The following AGBL4 variants were observed in gnomAD, a reference collection of about 807,000 sequenced individuals.
AGBL4 encodes the protein cytosolic carboxypeptidase 6.
Under a neutral mutation model 66.4 loss-of-function variants are expected in AGBL4, and 58 were observed. The observed-to-expected ratio is 0.87, with a 90% CI of 0.71 to 1.09. The LOEUF (loss-of-function observed/expected upper bound fraction) is 1.09, where lower values mean the gene tolerates loss of function less well. Among genes scored for constraint, AGBL4 ranks in the 50% least tolerant of loss-of-function variants. The probability of loss-of-function intolerance (pLI) is 0.00; values close to 1 mark genes in which losing one functional copy is unlikely to be tolerated. For synonymous variants in AGBL4, 234 were observed against 222.9 expected, an observed-to-expected ratio of 1.05 and a Z score of -0.44; for missense variants, 579 against 631.0, an observed-to-expected ratio of 0.92 and a Z score of 0.88.
chr1:49,289,069 A>T (rs1287979256), intron 3 of AGBL4, among the ~76,000 whole-genome samples: 2 of 152,084 alleles, frequency 1.3e-5, no homozygotes, highest in Non-Finnish European at 2.9e-5. Flanking sequence ...CATCTGACCC[A>T]CAGGCCAATC....
chr1:49,675,323 C>CA (rs1226261646), intron 3 of AGBL4, among the ~76,000 whole-genome samples: 4 of 151,462 alleles, frequency 2.6e-5, no homozygotes, highest in Admixed American at 6.6e-5. Flanking sequence ...ATAACAGAAA[C>CA]AAAAAAATAC....
rs188880318 is a variant in AGBL4 at position 48,784,958 on chromosome 1, C to T, written c.634+82233G>A. 3.5e-3 allele frequency among the ~76,000 whole-genome samples: 532 copies of T among 152,308 alleles called. 2 individuals are homozygous for T. The highest frequency in any genetic ancestry group is 0.01 in the African/African-American group (427 of 41,564). ...AAGAAATGAAAAGATTGACCTACCT[C>T]GGAAAAATGCAACTCGCTTCTTGAA... On this transcript the variant is annotated intron_variant, in intron 6 of 13. Transcript: ENST00000371839.
intron 3 of AGBL4, among the ~76,000 whole-genome samples, chr1:49,600,595 T>C (rs982911262): frequency 3.9e-5 from 6 of 152,218 alleles, no homozygotes; most frequent in African/African-American, 1.4e-4. Flanking sequence ...AATGAGGGCA[T>C]TTAGCCCATT....
chr1:49,492,086 T>C (rs1360136324), intron 3 of AGBL4, among the ~76,000 whole-genome samples: 2 of 151,894 alleles, frequency 1.3e-5, no homozygotes, highest in Admixed American at 6.6e-5. Context: ...CTTGTTATGA[T>C]GTGAGATGAT....
chr1:49,385,616 C>T (rs996685126), intron 3 of AGBL4, among the ~76,000 whole-genome samples: 1 of 151,924 alleles, frequency 6.6e-6, no homozygotes, highest in Admixed American at 6.6e-5. Context: ...GATCTATCAA[C>T]ATTTGAAGGA....
intron 11 of AGBL4, among the ~76,000 whole-genome samples, chr1:48,581,526 T>A (rs1044449633): frequency 1.3e-5 from 2 of 152,234 alleles, no homozygotes; most frequent in South Asian, 2.1e-4. Flanking sequence ...TCTGGGTTAC[T>A]TTATGATTCC....
chr1:48,827,912 T>C (rs930999244), intron 6 of AGBL4, among the ~76,000 whole-genome samples: 7 of 151,686 alleles, frequency 4.6e-5, no homozygotes, highest in Non-Finnish European at 8.8e-5. Context: ...CCCAGCACTT[T>C]GGGAGGCCGA....
rs987267828 is a variant in AGBL4 at position 49,258,358 on chromosome 1, G to A, written c.283-12494C>T. 4.6e-5 allele frequency among the ~76,000 whole-genome samples: 7 copies of A among 152,198 alleles called. No individual in the cohort carries two copies. The East Asian group carries it at 5.8e-4, about 13-fold the overall frequency. On this transcript the variant is annotated intron_variant, in intron 3 of 13. Coordinates refer to ENST00000371839, the MANE Select transcript of AGBL4 (RefSeq NM_032785.4). ...AGGCTTCAGACGATCAAACTACTCC[G>A]AGCTACAGAAGGAAATTCGAACCAA... is the stretch of plus-strand genomic sequence containing the variant.
chr1:49,473,307 T>A (rs1646783516), intron 3 of AGBL4, among the ~76,000 whole-genome samples: 1 of 152,118 alleles, frequency 6.6e-6, no homozygotes, highest in East Asian at 1.9e-4. Flanking sequence ...CAACATCTGT[T>A]ATGTTTTGAC....
chr1:49,571,062 A>C (rs1275472894), intron 3 of AGBL4, among the ~76,000 whole-genome samples: 1 of 148,806 alleles, frequency 6.7e-6, no homozygotes, highest in African/African-American at 2.5e-5. Flanking sequence ...TGCTTTGTTT[A>C]TTTGGGCTCT....
chr1:49,528,287 CACTT>C (rs1307710937), intron 3 of AGBL4, among the ~76,000 whole-genome samples: 2 of 152,014 alleles, frequency 1.3e-5, no homozygotes, highest in Non-Finnish European at 2.9e-5. Flanking sequence ...ACTTATGAGA[CACTT>C]ACGTATCTTA....
chr1:49,935,751 C>G (rs1037939085), intron 1 of AGBL4, among the ~76,000 whole-genome samples: 2 of 152,166 alleles, frequency 1.3e-5, no homozygotes, highest in African/African-American at 4.8e-5. Context: ...CTCTAGCAAA[C>G]TCCAACAGAC....
At chr1:49,548,625 C>A (rs1025040721) in intron 3 of AGBL4, among the ~76,000 whole-genome samples, 1 of 152,144 alleles carries the variant, frequency 6.6e-6, no homozygotes, top group African/African-American at 2.4e-5. Context: ...TGGTATGAAA[C>A]CCACTTGATC....
chr1:49,653,202 C>A (rs1381731433), intron 3 of AGBL4, among the ~76,000 whole-genome samples: 2 of 152,000 alleles, frequency 1.3e-5, no homozygotes, highest in East Asian at 1.9e-4. Context: ...TGGAGTGGAC[C>A]CCAAGCAAAA....
intron 6 of AGBL4, among the ~76,000 whole-genome samples, chr1:48,772,355 G>A (rs568320218): frequency 6.6e-6 from 1 of 152,320 alleles, no homozygotes; most frequent in South Asian, 2.1e-4. Context: ...TTTATCACAG[G>A]TGGAGGGGGG....
At position 49,564,555 on chromosome 1, in the gene AGBL4, T is replaced by C. The variant is rs577715213; in HGVS notation, c.282+132758A>G. On this transcript the variant is annotated intron_variant, in intron 3 of 13. Coordinates refer to ENST00000371839, the MANE Select transcript of AGBL4 (RefSeq NM_032785.4). ...GAACATCTTTATTTCTGCCTTCATT[T>C]TGTTATGTACCCAGTAGTCATTCAG... Among the ~76,000 whole-genome samples, 51 of 152,332 alleles carry C rather than the reference T, an allele frequency of 3.3e-4. 1 individual carries two copies. In the South Asian group the frequency reaches 9.3e-3, roughly 28 times the overall value.
chr1:49,739,684 T>C (rs1430024900), intron 2 of AGBL4, among the ~76,000 whole-genome samples: 1 of 152,138 alleles, frequency 6.6e-6, no homozygotes, highest in Non-Finnish European at 1.5e-5. Flanking sequence ...GGGAAGCCCA[T>C]CAGACTAACA....
chr1:49,721,000 C>G (rs1469084009), intron 2 of AGBL4, among the ~76,000 whole-genome samples: 3 of 152,004 alleles, frequency 2.0e-5, no homozygotes, highest in Non-Finnish European at 4.4e-5. Context: ...AAAGTGGGGA[C>G]TTGGAGAACT....
At chr1:49,933,732 A>C (rs1167901174) in intron 1 of AGBL4, among the ~76,000 whole-genome samples, 1 of 152,122 alleles carries the variant, frequency 6.6e-6, no homozygotes, top group Non-Finnish European at 1.5e-5. Flanking sequence ...TAACTACAGA[A>C]TATTTTATAG....
Sources: gnomAD v4.1 joint callset for allele counts (sites outside exome capture counted in the v4.1 genomes callset) on GRCh38, gnomAD v4.1.1 for gene constraint, MANE v1.5 for transcripts, NCBI Gene and HGNC (gene_info 2026-07-23, HGNC 2026-07-21) for gene names.